Variants in EPN2 observed in about 807,000 individuals in gnomAD.
EPN2 encodes the protein epsin 2.
A neutral mutation model predicts 61.7 loss-of-function variants in EPN2; 34 were observed. The ratio of observed to expected loss-of-function variants is 0.55; its 90% confidence interval spans 0.42 to 0.73. The LOEUF (loss-of-function observed/expected upper bound fraction) is 0.73, where lower values mean the gene tolerates loss of function less well. Among genes scored for constraint, EPN2 ranks in the 30% least tolerant of loss-of-function variants. The pLI is 0.00. For synonymous variants in EPN2, 349 were observed against 353.6 expected (o/e 0.99, Z 0.15); for missense variants, 714 against 839.2 (o/e 0.85, Z 1.84).
chr17:19,299,021 T>G (rs1382361246), intron 4 of EPN2, among the ~76,000 whole-genome samples: 1 of 152,222 alleles, frequency 6.6e-6, no homozygotes. Context: ...GAAAAGTGTA[T>G]GAACATTCTG....
intron 6 of EPN2, 184 bp from the exon 7 acceptor site, chr17:19,312,921 T>C: frequency 1.6e-6 from 1 of 623,930 alleles, no homozygotes; most frequent in Non-Finnish European, 2.8e-6. Flanking sequence ...TAGCTTGTTG[T>C]GACTGGAGAG....
At chr17:19,240,272 G>T (rs760351281) in intron 1 of EPN2, among the ~76,000 whole-genome samples, 1 of 151,576 alleles carries the variant, frequency 6.6e-6, no homozygotes, top group Non-Finnish European at 1.5e-5. Flanking sequence ...TTGAGATGGC[G>T]TCTCACGCTG....
chr17:19,274,095 G>A (rs576847328), intron 1 of EPN2: 8 of 152,406 alleles, frequency 5.2e-5, no homozygotes, highest in Admixed American at 4.6e-4. Context: ...CCTCAGGAAA[G>A]ATAAAGCCAG....
intron 1 of EPN2, among the ~76,000 whole-genome samples, chr17:19,266,067 C>T (rs1191170068): frequency 1.3e-5 from 2 of 152,148 alleles, no homozygotes; most frequent in Non-Finnish European, 2.9e-5. Flanking sequence ...ACTTCCGCCT[C>T]TGCCCTAATC....
At chr17:19,299,102 G>A (rs1905343499) in intron 4 of EPN2, among the ~76,000 whole-genome samples, 3 of 152,184 alleles carry the variant, frequency 2.0e-5, no homozygotes, top group South Asian at 4.1e-4. Flanking sequence ...CAGCAGTGAA[G>A]GAGAGTGCTC....
chr17:19,332,535 C>T (rs1907211092), intron 10 of EPN2, among the ~76,000 whole-genome samples: 1 of 152,152 alleles, frequency 6.6e-6, no homozygotes, highest in South Asian at 2.1e-4. Flanking sequence ...GCCCTCAGGG[C>T]TCAATGTTGG....
intron 4 of EPN2, among the ~76,000 whole-genome samples, chr17:19,303,623 C>T (rs1022303362): frequency 2.0e-5 from 3 of 152,178 alleles, no homozygotes; most frequent in Admixed American, 1.3e-4. Flanking sequence ...GACAGGCAGC[C>T]CTCCCACCAC....
Position 19,283,576 on chromosome 17 carries a change from C to T in EPN2, c.457C>T (p.Arg153Cys), listed in dbSNP as rs2045378010. 3.1e-6 allele frequency: 5 copies of T among 1,614,178 alleles called. No homozygotes were observed. The highest frequency in any genetic ancestry group is 2.2e-5 in the East Asian group (1 of 44,888). ...ERAQALKTKE[R>C]MAQVATGMGS... ...GGCCCAGGCTCTCAAAACCAAAGAGCGCATGGCCCAGGTTGCCACTGGCAT... is the reference window on the plus strand; with the variant it reads ...GGCCCAGGCTCTCAAAACCAAAGAGTGCATGGCCCAGGTTGCCACTGGCAT... The change falls in exon 3 of 11, where the codon CGC (arginine) becomes TGC (cysteine). Residue 153 changes from arginine (R) to cysteine (C), a missense_variant. This residue lies in a region of EPN2 where 304 missense variants were observed against 417.4 expected (regional missense o/e 0.73). Transcript: ENST00000314728. This position sits in a 1 kb window ranked among gnomAD's most constrained non-coding sequence, Gnocchi z 7.0.
intron 1 of EPN2, among the ~76,000 whole-genome samples, chr17:19,244,422 A>G (rs1373941978): frequency 6.6e-6 from 1 of 151,738 alleles, no homozygotes; most frequent in South Asian, 2.1e-4. Context: ...TTGTGCCACT[A>G]CACTCCAGAC....
At chr17:19,311,162 A>T (rs1028443411) in intron 5 of EPN2, among the ~76,000 whole-genome samples, 4 of 152,204 alleles carry the variant, frequency 2.6e-5, no homozygotes, top group African/African-American at 9.7e-5. Context: ...TCTAAAGCTC[A>T]GTGACAGTGG....
At chr17:19,286,330 A>G (rs1010317675) in intron 4 of EPN2, among the ~76,000 whole-genome samples, 4 of 152,042 alleles carry the variant, frequency 2.6e-5, no homozygotes, top group African/African-American at 2.4e-5. Flanking sequence ...CCCTGTTACC[A>G]TGGAAAACAG....
chr17:19,280,693 A>G (rs777411683), intron 1 of EPN2, among the ~76,000 whole-genome samples: 2 of 152,238 alleles, frequency 1.3e-5, no homozygotes, highest in Non-Finnish European at 2.9e-5. Flanking sequence ...CTTAACAGCA[A>G]TCAATACAGA....
chr17:19,317,175 C>G (rs1270678518), intron 7 of EPN2, among the ~76,000 whole-genome samples: 1 of 152,180 alleles, frequency 6.6e-6, no homozygotes, highest in Non-Finnish European at 1.5e-5. Flanking sequence ...GTAGTGAGCC[C>G]CATCATTACC....
At chr17:19,256,038 T>C (rs917399581) in intron 1 of EPN2, among the ~76,000 whole-genome samples, 9 of 151,852 alleles carry the variant, frequency 5.9e-5, no homozygotes, top group Non-Finnish European at 4.4e-5. Flanking sequence ...CCTGGGTTCA[T>C]ACCATTCTCC....
At chr17:19,237,765 C>T (rs1191898735) in intron 1 of EPN2, among the ~76,000 whole-genome samples, 1 of 151,968 alleles carries the variant, frequency 6.6e-6, no homozygotes, top group Non-Finnish European at 1.5e-5. Context: ...CATCTGGATC[C>T]AGCTTTCCGC....
chr17:19,265,085 T>A (rs1412765854), intron 1 of EPN2, among the ~76,000 whole-genome samples: 1 of 152,080 alleles, frequency 6.6e-6, no homozygotes, highest in Non-Finnish European at 1.5e-5. Flanking sequence ...TGCAGAGGTG[T>A]GTACCAGTGA....
chr17:19,287,164 G>A (rs1229530691), intron 4 of EPN2, among the ~76,000 whole-genome samples: 2 of 151,840 alleles, frequency 1.3e-5, no homozygotes, highest in East Asian at 1.9e-4. Context: ...CCCCCACTGC[G>A]GCTGTCTTTG....
At chr17:19,290,111 G>A (rs932408452) in intron 4 of EPN2, among the ~76,000 whole-genome samples, 3 of 152,158 alleles carry the variant, frequency 2.0e-5, no homozygotes, top group Non-Finnish European at 4.4e-5. Flanking sequence ...TACCCGTGTT[G>A]GCTGCCCTCA....
chr17:19,270,175 A>T (rs1265204211), intron 1 of EPN2, among the ~76,000 whole-genome samples: 1 of 152,204 alleles, frequency 6.6e-6, no homozygotes, highest in African/African-American at 2.4e-5. Context: ...TAGGATTGTT[A>T]TGAAGATGCC....
Sources: gnomAD v4.1 joint callset for allele counts (sites outside exome capture counted in the v4.1 genomes callset) on GRCh38, gnomAD v4.1.1 for gene constraint, gnomAD v4.1.1 regional missense constraint, Gnocchi (gnomAD v3.1) non-coding constraint, MANE v1.5 for transcripts, NCBI Gene and HGNC (gene_info 2026-07-23, HGNC 2026-07-21) for gene names.